ACBD7: variants seen among roughly 807,000 people sequenced by gnomAD.
The protein encoded by ACBD7 is acyl-CoA-binding domain-containing protein 7.
In ACBD7, 11 loss-of-function variants were observed where a neutral mutation model predicts 13.7. The observed-to-expected ratio is 0.80, with a 90% CI of 0.50 to 1.33. The LOEUF (loss-of-function observed/expected upper bound fraction) is 1.33. Ranked by LOEUF, ACBD7 falls within the 40% of genes most tolerant of loss-of-function variation. The pLI is 0.00. For missense variants in ACBD7, 111 were observed against 103.0 expected, an observed-to-expected ratio of 1.08 and a Z score of -0.33; for synonymous variants, 43 against 37.7, an observed-to-expected ratio of 1.14 and a Z score of -0.51.
chr10:15,082,863 A>T (rs1379125629), intron 1 of ACBD7, among the ~76,000 whole-genome samples: 1 of 151,896 alleles, frequency 6.6e-6, no homozygotes, highest in Middle Eastern at 3.4e-3. Flanking sequence ...ATGGTGAAAC[A>T]CCGTCTCTAC....
chr10:15,085,022 A>C (rs755548882), intron 1 of ACBD7, among the ~76,000 whole-genome samples: 3 of 152,226 alleles, frequency 2.0e-5, no homozygotes, highest in Non-Finnish European at 4.4e-5. Context: ...CCTGAGAGAA[A>C]GGCATCACAG....
At chr10:15,080,406 C>G (rs1242995505) in intron 1 of ACBD7, among the ~76,000 whole-genome samples, 1 of 152,000 alleles carries the variant, frequency 6.6e-6, no homozygotes, top group Non-Finnish European at 1.5e-5. Flanking sequence ...ATAGCAAAAC[C>G]CTGTCTCTAC....
rs1050684541 is a variant in ACBD7, at chr10:15,076,795, G to A, written c.*1735C>T. On this transcript the variant is annotated 3_prime_UTR_variant, in exon 4 of 4. Transcript: ENST00000356189. ...TGAGATTAGAGGCGTGAGCCACCAC[G>A]CTCAGCCTTGCCATTGATTCTTAAT... is the stretch of plus-strand genomic sequence containing the variant. The A allele has an allele frequency of 4.1e-6, 4 of 985,162 alleles. No homozygotes were observed. Among genetic ancestry groups the A allele is most frequent in the African/African-American group, 3.5e-5 (2 of 57,222 alleles). The allele number at this position is 985,162 out of a possible 1,614,324, so 61.0% of individuals were successfully genotyped here. A position where few individuals can be genotyped will look rare whatever the true frequency, so the allele number is the denominator to read the frequency against.
At chr10:15,081,042 C>T (rs971672972) in intron 1 of ACBD7, among the ~76,000 whole-genome samples, 1 of 152,122 alleles carries the variant, frequency 6.6e-6, no homozygotes, top group Non-Finnish European at 1.5e-5. Flanking sequence ...CAGTACCCTG[C>T]GGGCTCAGCG....
intron 1 of ACBD7, among the ~76,000 whole-genome samples, chr10:15,086,306 CA>C (rs200878752): frequency 1.3e-3 from 180 of 137,934 alleles, no homozygotes; most frequent in Middle Eastern, 7.4e-3. Flanking sequence ...GACACCATCT[CA>C]AAAAAAAAAA....
chr10:15,083,539 C>A (rs781602470), intron 1 of ACBD7, among the ~76,000 whole-genome samples: 1 of 152,130 alleles, frequency 6.6e-6, no homozygotes, highest in Non-Finnish European at 1.5e-5. Flanking sequence ...TAGAGTACAG[C>A]GGCACAATCA....
At chr10:15,085,503 A>G (rs1028966702) in intron 1 of ACBD7, among the ~76,000 whole-genome samples, 5 of 152,260 alleles carry the variant, frequency 3.3e-5, no homozygotes, top group Non-Finnish European at 7.3e-5. Flanking sequence ...GAGCAACCCA[A>G]TTAAGAAGAT....
At chr10:15,084,959 A>T (rs1844792716) in intron 1 of ACBD7, among the ~76,000 whole-genome samples, 1 of 152,206 alleles carries the variant, frequency 6.6e-6, no homozygotes, top group South Asian at 2.1e-4. Flanking sequence ...CTACAAAGTC[A>T]GTGTGAATCG....
At chr10:15,088,554 C>T in intron 1 of ACBD7, 163 bp downstream of exon 1, 6 of 964,294 alleles carry the variant, frequency 6.2e-6, no homozygotes, top group Non-Finnish European at 8.7e-6. Context: ...TCAGCAGGCA[C>T]AGGTGCGGTC....
At chr10:15,086,729 G>T (rs1045984859) in intron 1 of ACBD7, among the ~76,000 whole-genome samples, 3 of 151,882 alleles carry the variant, frequency 2.0e-5, no homozygotes, top group Non-Finnish European at 4.4e-5. Context: ...TACAAAAAAG[G>T]AAAGCCTGGC....
At chr10:15,087,417 G>A (rs958894614) in intron 1 of ACBD7, among the ~76,000 whole-genome samples, 2 of 152,184 alleles carry the variant, frequency 1.3e-5, no homozygotes, top group Non-Finnish European at 1.5e-5. Context: ...GCAGGATAAC[G>A]TCTTGCCTGA....
At position 15,077,685 on chromosome 10, in the gene ACBD7, C is replaced by T. The variant is rs1390574875; in HGVS notation, c.*845G>A. ...GTCAGGAGTTCGAGACCAGCCTGGC[C>T]AACATGGCAAAACCCCGTCTCTACT... On this transcript the variant is annotated 3_prime_UTR_variant, in exon 4 of 4. Transcript: ENST00000356189. 1.3e-5 allele frequency: 2 copies of T among 152,110 alleles called. No individual in the cohort carries two copies. The highest frequency in any genetic ancestry group is 4.8e-5 in the African/African-American group (2 of 41,384). 9.4% of individuals were successfully genotyped at this position (152,110 alleles called of 1,614,324 possible).
In ACBD7 at chr10:15,078,759, A is replaced by G; in HGVS notation, c.131-6T>C. 4.3e-6 allele frequency: 7 copies of G among 1,613,668 alleles called. No homozygotes were observed. Among genetic ancestry groups the G allele is most frequent in the Non-Finnish European group, 5.9e-6 (7 of 1,179,778 alleles). On this transcript the variant is annotated splice_region_variant and splice_polypyrimidine_tract_variant and intron_variant, in intron 2 of 3. Transcript: ENST00000356189. Reference sequence around the variant, plus strand: ...ATCTAGCATTCCTGGACACGCTGGCAAAAGAAGGAGACATGCATTTGCAGG... The same window carrying G: ...ATCTAGCATTCCTGGACACGCTGGCGAAAGAAGGAGACATGCATTTGCAGG...
At chr10:15,080,115 G>C (rs181556897) in intron 1 of ACBD7, among the ~76,000 whole-genome samples, 183 of 152,100 alleles carry the variant, frequency 1.2e-3, no homozygotes, top group African/African-American at 4.2e-3. Context: ...TCCTGATTTG[G>C]CTGAATTGCT....
Position 15,076,964 on chromosome 10 carries a change from G to T in ACBD7, c.*1566C>A. 1 of 976,558 alleles carries T rather than the reference G, an allele frequency of 1.0e-6. No individual in the cohort carries two copies. Among genetic ancestry groups the T allele is most frequent in the Non-Finnish European group, 1.2e-6 (1 of 821,898 alleles). 60.5% of individuals were successfully genotyped at this position (976,558 alleles called of 1,614,324 possible). A position where few individuals can be genotyped will look rare whatever the true frequency, so the allele number is the denominator to read the frequency against. ...AAAAAACAACAGATGTGGAGAAAAG[G>T]GAATGCTTATACACTATTGGTGGGA... is the stretch of plus-strand genomic sequence containing the variant. On this transcript the variant is annotated 3_prime_UTR_variant, in exon 4 of 4. Transcript: ENST00000356189.
intron 1 of ACBD7, among the ~76,000 whole-genome samples, chr10:15,088,101 A>T (rs1844830321): frequency 6.6e-6 from 1 of 152,236 alleles, no homozygotes; most frequent in African/African-American, 2.4e-5. Context: ...ATACACAATA[A>T]CATCATAGGT....
intron 1 of ACBD7, 48 bp from the exon 2 acceptor site, chr10:15,079,088 G>A (rs1319437612): frequency 7.6e-7 from 1 of 1,316,646 alleles, no homozygotes; most frequent in African/African-American, 1.5e-5. Context: ...TTACCACCAA[G>A]GAATAGGAAC....
At position 15,076,163 on chromosome 10, in the gene ACBD7, CT is replaced by C; in HGVS notation, c.*2366del. The C allele has an allele frequency of 1.0e-6, 1 of 985,162 alleles. No homozygotes were observed. The highest frequency in any genetic ancestry group is 1.2e-6 in the Non-Finnish European group (1 of 829,846). The allele number at this position is 985,162 out of a possible 1,614,324, so 61.0% of individuals were successfully genotyped here. On this transcript the variant is annotated 3_prime_UTR_variant, in exon 4 of 4. Transcript: ENST00000356189. ...TTCCTCTGGTCATACCATTCCAAAT[CT>C]AAATTTTTATGCAGGGAATAGAGGT... is the stretch of plus-strand genomic sequence containing the variant.
At position 15,078,358 on chromosome 10, in the gene ACBD7, A is replaced by T; in HGVS notation, c.*172T>A. 1 of 1,468,676 alleles carries T rather than the reference A, an allele frequency of 6.8e-7. No individual in the cohort carries two copies. The highest frequency in any genetic ancestry group is 9.0e-7 in the Non-Finnish European group (1 of 1,116,796). The allele number at this position is 1,468,676 out of a possible 1,614,324, so 91.0% of individuals were successfully genotyped here. On this transcript the variant is annotated 3_prime_UTR_variant, in exon 4 of 4. Transcript: ENST00000356189. ...CTTTTAAAGACACCTGGTTTAAGCA[A>T]GTACAATTGAGTTAACTATGTAGTT...
Sources: gnomAD v4.1 joint callset for allele counts (sites outside exome capture counted in the v4.1 genomes callset) on GRCh38, gnomAD v4.1.1 for gene constraint, MANE v1.5 for transcripts, NCBI Gene and HGNC (gene_info 2026-07-23, HGNC 2026-07-21) for gene names.